Variants in DIAPH1 observed in about 807,000 individuals in gnomAD.
The protein encoded by DIAPH1 is diaphanous related formin 1.
DIAPH1 carries 46 observed loss-of-function variants against 140.7 expected under a neutral mutation model. The ratio of observed to expected loss-of-function variants is 0.33; its 90% confidence interval spans 0.26 to 0.42. The LOEUF (loss-of-function observed/expected upper bound fraction) is 0.42, where lower values mean the gene tolerates loss of function less well. Among genes scored for constraint, DIAPH1 ranks in the 10% least tolerant of loss-of-function variants. The pLI is 1.00. For missense variants in DIAPH1, 1,310 were observed against 1,558.7 expected, an observed-to-expected ratio of 0.84 and a Z score of 2.69; for synonymous variants, 565 against 551.6, an observed-to-expected ratio of 1.02 and a Z score of -0.34.
chr5:141,574,840 T>G, intron 15 of DIAPH1, 127 bp downstream of exon 15: 2 of 1,001,832 alleles, frequency 2.0e-6, no homozygotes, highest in Non-Finnish European at 3.1e-6. Context: ...TTTTAAAATA[T>G]GCACCATGTA....
At chr5:141,546,705 A>G (rs1428963287) in intron 18 of DIAPH1, among the ~76,000 whole-genome samples, 3 of 152,186 alleles carry the variant, frequency 2.0e-5, no homozygotes, top group African/African-American at 4.8e-5. Flanking sequence ...TGGGAGCACA[A>G]AAGGCTATAT....
At position 141,526,604 on chromosome 5, in the gene DIAPH1, T is replaced by C. The variant is rs1051687580; in HGVS notation, c.3274-143A>G. 26 of 888,684 alleles carry C rather than the reference T, an allele frequency of 2.9e-5. No individual in the cohort carries two copies. The African/African-American group carries it at 4.1e-4, about 14-fold the overall frequency. The allele number at this position is 888,684 out of a possible 1,614,324, so 55.0% of individuals were successfully genotyped here. A position where few individuals can be genotyped will look rare whatever the true frequency, so the allele number is the denominator to read the frequency against. On this transcript the variant is annotated intron_variant, in intron 24 of 27. Coordinates refer to ENST00000389054, the MANE Select transcript of DIAPH1 (RefSeq NM_005219.5). ...TTTATAACAGCAAAAACCAAAGCCA[T>C]GTAGGTACCCCTAAATAGGGGAATA... is the stretch of plus-strand genomic sequence containing the variant.
intron 15 of DIAPH1, 72 bp from the exon 16 acceptor site, chr5:141,574,280 T>C (rs904729346): frequency 1.2e-5 from 18 of 1,458,502 alleles, no homozygotes; most frequent in Non-Finnish European, 1.6e-5. Flanking sequence ...AGGAACCTAA[T>C]AAACTACTTA....
At position 141,618,174 on chromosome 5, in the gene DIAPH1, T is replaced by G. The variant is rs529677215; in HGVS notation, c.117+624A>C. Among the ~76,000 whole-genome samples, 33 of 152,300 alleles carry G rather than the reference T, an allele frequency of 2.2e-4. 1 individual carries two copies. The South Asian group carries it at 6.8e-3, about 32-fold the overall frequency. Reference sequence around the variant, plus strand: ...AATAAACGTCATGCCCCAGTGACCATAGGACCTGGGCAGGAGCCCATTCCT... The same window carrying G: ...AATAAACGTCATGCCCCAGTGACCAGAGGACCTGGGCAGGAGCCCATTCCT... On this transcript the variant is annotated intron_variant, in intron 1 of 27. Transcript: ENST00000389054.
chr5:141,592,517 C>A (rs75070012), intron 1 of DIAPH1, among the ~76,000 whole-genome samples: 2 of 136,650 alleles, frequency 1.5e-5, no homozygotes, highest in African/African-American at 6.0e-5. Context: ...ACAACAACAA[C>A]AACAAAAACA....
intron 27 of DIAPH1, chr5:141,518,586 A>G (rs12522562): frequency 0.17 from 36,570 of 209,600 alleles, 3,871 homozygotes; most frequent in Admixed American, 0.3. Flanking sequence ...GCAGCAGCGC[A>G]ATCACAGCTC....
At chr5:141,529,816 G>A in intron 19 of DIAPH1, 119 bp from the exon 20 acceptor site, 1 of 849,108 alleles carries the variant, frequency 1.2e-6, no homozygotes, top group Non-Finnish European at 2.0e-6. Flanking sequence ...AGGCACAGTG[G>A]CTCATGCCTG....
chr5:141,535,426 TAAACTTATTTTC>T (rs1427144215), intron 18 of DIAPH1, among the ~76,000 whole-genome samples: 1 of 152,258 alleles, frequency 6.6e-6, no homozygotes, highest in African/African-American at 2.4e-5. Context: ...TCTGCTTTGA[TAAACTTATTTTC>T]ATGGTATTTG....
intron 18 of DIAPH1, among the ~76,000 whole-genome samples, chr5:141,568,656 T>C (rs2099894719): frequency 6.6e-6 from 1 of 152,184 alleles, no homozygotes; most frequent in South Asian, 2.1e-4. Flanking sequence ...CAGGAGACTT[T>C]TCACTACAGG....
chr5:141,545,676 T>C (rs1231259587), intron 18 of DIAPH1, among the ~76,000 whole-genome samples: 1 of 152,044 alleles, frequency 6.6e-6, no homozygotes, highest in African/African-American at 2.4e-5. Context: ...CAGTGTGAGA[T>C]GATGAGAGAA....
intron 1 of DIAPH1, among the ~76,000 whole-genome samples, chr5:141,595,624 A>G (rs1046560379): frequency 2.6e-5 from 4 of 152,170 alleles, no homozygotes; most frequent in African/African-American, 9.7e-5. Context: ...TGCCACCCTT[A>G]GAAGGCAAAG....
intron 1 of DIAPH1, among the ~76,000 whole-genome samples, chr5:141,614,680 C>G (rs2099902374): frequency 6.6e-6 from 1 of 152,210 alleles, no homozygotes; most frequent in South Asian, 2.1e-4. Flanking sequence ...GACTCATGAT[C>G]TGTCCTTAAG....
intron 4 of DIAPH1, 66 bp downstream of exon 4, chr5:141,584,056 CAA>C: frequency 2.4e-6 from 2 of 830,558 alleles, no homozygotes; most frequent in Admixed American, 2.2e-5. Context: ...ATAAAATTGG[CAA>C]AAAAAAAACA....
chr5:141,569,634 T>C (rs935915373), intron 18 of DIAPH1, among the ~76,000 whole-genome samples: 20 of 151,972 alleles, frequency 1.3e-4, no homozygotes, highest in African/African-American at 4.6e-4. Flanking sequence ...TGATGGTGGG[T>C]GCCTGTAATC....
At position 141,583,544 on chromosome 5, in the gene DIAPH1, A is replaced by C. The variant is rs1201900712; in HGVS notation, c.474T>G (p.Asp158Glu). ...YIQELRSGLR[D>E]MPLLSCLESL... ...ACTCCAGGCAGCTGAGCAGAGGCAT[A>C]TCCCGCAAGCCTGACCTCAACTCCT... is the stretch of plus-strand genomic sequence containing the variant. The change falls in exon 5 of 28, where the codon GAT (aspartate) becomes GAG (glutamate). Residue 158 changes from aspartate (D) to glutamate (E), a missense_variant. Physicochemically the swap from Asp to Glu is conservative, Grantham distance 45. Coordinates refer to ENST00000389054, the MANE Select transcript of DIAPH1 (RefSeq NM_005219.5). The C allele has an allele frequency of 1.2e-6, 2 of 1,614,204 alleles. No individual in the cohort carries two copies.
chr5:141,586,958 T>C, intron 3 of DIAPH1, 84 bp downstream of exon 3: 1 of 1,394,154 alleles, frequency 7.2e-7, no homozygotes, highest in Non-Finnish European at 1.0e-6. Flanking sequence ...AATAAAGGGC[T>C]AGTTGGGAAT....
At chr5:141,578,658 G>A in intron 9 of DIAPH1, 33 bp from the exon 10 acceptor site, 1 of 1,497,444 alleles carries the variant, frequency 6.7e-7, no homozygotes, top group Non-Finnish European at 9.3e-7. Flanking sequence ...CTATGTCAAT[G>A]CTAACTCCTG....
chr5:141,603,917 T>C (rs1180736816), intron 1 of DIAPH1, among the ~76,000 whole-genome samples: 1 of 151,930 alleles, frequency 6.6e-6, no homozygotes, highest in African/African-American at 2.4e-5. Flanking sequence ...GCATCCTAGG[T>C]AGTTGATAGC....
intron 18 of DIAPH1, among the ~76,000 whole-genome samples, chr5:141,562,606 C>CAGA (rs2099893739): frequency 1.3e-5 from 1 of 76,832 alleles, no homozygotes. Context: ...CTTACCTATG[C>CAGA]AAAAAAAAAA....
Sources: allele counts gnomAD v4.1 joint callset (sites outside exome capture counted in the v4.1 genomes callset), GRCh38; gene constraint gnomAD v4.1.1; transcripts MANE v1.5; gene names NCBI Gene and HGNC (gene_info 2026-07-23, HGNC 2026-07-21).